Variants in ZNF385B observed in about 807,000 individuals in gnomAD.
ZNF385B encodes the protein zinc finger protein 533.
ZNF385B carries 23 observed loss-of-function variants against 39.2 expected under a neutral mutation model. The ratio of observed to expected loss-of-function variants is 0.59; its 90% CI spans 0.42 to 0.83. The LOEUF (loss-of-function observed/expected upper bound fraction) is 0.83, where lower values mean the gene tolerates loss of function less well. ZNF385B is among the 40% of genes least tolerant of loss of function. The pLI is 0.00. For missense variants in ZNF385B, 552 were observed against 598.9 expected (o/e 0.92, Z 0.82); for synonymous variants, 205 against 222.6 (o/e 0.92, Z 0.70).
chr2:179,830,031 A>T (rs2106595369), intron 1 of ZNF385B, among the ~76,000 whole-genome samples: 1 of 152,370 alleles, frequency 6.6e-6, no homozygotes, highest in African/African-American at 2.4e-5. Flanking sequence ...TCAACAAAAG[A>T]GCCCAACTGA....
intron 1 of ZNF385B, among the ~76,000 whole-genome samples, chr2:179,838,747 A>G (rs932919381): frequency 6.6e-6 from 1 of 152,208 alleles, no homozygotes; most frequent in Non-Finnish European, 1.5e-5. Flanking sequence ...AGTCTGTCAT[A>G]TTCAAGCACT....
chr2:179,736,656 A>G (rs1309426200), intron 3 of ZNF385B, among the ~76,000 whole-genome samples: 1 of 152,144 alleles, frequency 6.6e-6, no homozygotes, highest in African/African-American at 2.4e-5. Flanking sequence ...CTGTCTTCCA[A>G]TCAATAGAAA....
chr2:179,618,972 C>A (rs1181049280), intron 3 of ZNF385B, among the ~76,000 whole-genome samples: 2 of 151,844 alleles, frequency 1.3e-5, no homozygotes, highest in Non-Finnish European at 2.9e-5. Context: ...CAGTGTTCAG[C>A]GAATATAATG....
chr2:179,696,210 G>A (rs947706104), intron 3 of ZNF385B, among the ~76,000 whole-genome samples: 24 of 151,636 alleles, frequency 1.6e-4, no homozygotes, highest in East Asian at 1.2e-3. Flanking sequence ...GGTGATGATC[G>A]TATGTATCTG....
intron 3 of ZNF385B, among the ~76,000 whole-genome samples, chr2:179,694,368 A>G (rs369497870): frequency 2.2e-5 from 3 of 133,458 alleles, no homozygotes; most frequent in South Asian, 4.7e-4. Flanking sequence ...TTTTTTTTTG[A>G]CTGCGAATTT....
rs886347773 is a variant in ZNF385B at position 179,734,811 on chromosome 2, G to A, written c.298+34692C>T. On this transcript the variant is annotated intron_variant, in intron 3 of 9. Transcript: ENST00000410066. Reference sequence around the variant, plus strand: ...GTAAAAGTGGCTATGGACTAAAAAAGCCTGTTCCTTAGCCATATGTAGAAA... The same window carrying A: ...GTAAAAGTGGCTATGGACTAAAAAAACCTGTTCCTTAGCCATATGTAGAAA... Among the ~76,000 whole-genome samples, 6 of 152,210 alleles carry A rather than the reference G, an allele frequency of 3.9e-5. No individual in the cohort carries two copies. The South Asian group carries it at 1.2e-3, about 32-fold the overall frequency.
At chr2:179,745,672 C>T (rs1702337507) in intron 3 of ZNF385B, 1 of 1,512,258 alleles carries the variant, frequency 6.6e-7, no homozygotes, top group Non-Finnish European at 8.9e-7. Flanking sequence ...TTACTGACAT[C>T]CCAGACCCCA....
intron 1 of ZNF385B, among the ~76,000 whole-genome samples, chr2:179,807,378 A>T (rs371730647): frequency 6.6e-6 from 1 of 151,948 alleles, no homozygotes; most frequent in South Asian, 2.1e-4. Context: ...TGGGCAGATC[A>T]CCTGAGGTCA....
chr2:179,651,992 T>G (rs1348025585), intron 3 of ZNF385B, among the ~76,000 whole-genome samples: 1 of 152,146 alleles, frequency 6.6e-6, no homozygotes, highest in Non-Finnish European at 1.5e-5. Context: ...CCAAATTGTG[T>G]GCCAAAACTG....
chr2:179,854,913 A>C (rs1684463215), intron 1 of ZNF385B, among the ~76,000 whole-genome samples: 1 of 152,214 alleles, frequency 6.6e-6, no homozygotes, highest in South Asian at 2.1e-4. Flanking sequence ...CCTTGATCCT[A>C]AAGTAAATAC....
chr2:179,841,850 T>G (rs1465972240), intron 1 of ZNF385B, among the ~76,000 whole-genome samples: 1 of 152,104 alleles, frequency 6.6e-6, no homozygotes, highest in African/African-American at 2.4e-5. Context: ...TAGAACCAGA[T>G]GAGATTAAAA....
Position 179,704,485 on chromosome 2 carries a change from G to A in ZNF385B, c.298+65018C>T, listed in dbSNP as rs1699442682. Among the ~76,000 whole-genome samples, 7 of 152,150 alleles carry A rather than the reference G, an allele frequency of 4.6e-5. No individual in the cohort carries two copies. In the South Asian group the frequency reaches 1.5e-3, roughly 32 times the overall value. Reference sequence around the variant, plus strand: ...AGAAAAAAATAGACTTTTCATTTTGGAGAGTAACAAAAGGAAACACCTCTG... The same window carrying A: ...AGAAAAAAATAGACTTTTCATTTTGAAGAGTAACAAAAGGAAACACCTCTG... On this transcript the variant is annotated intron_variant, in intron 3 of 9. Coordinates refer to ENST00000410066, the MANE Select transcript of ZNF385B (RefSeq NM_152520.6).
chr2:179,790,048 C>T (rs1705234076), intron 1 of ZNF385B, among the ~76,000 whole-genome samples: 1 of 152,146 alleles, frequency 6.6e-6, no homozygotes. Context: ...TCCATGACAA[C>T]TGGCCCATGT....
At chr2:179,543,506 T>C (rs1402688371) in intron 4 of ZNF385B, among the ~76,000 whole-genome samples, 1 of 152,138 alleles carries the variant, frequency 6.6e-6, no homozygotes, top group Non-Finnish European at 1.5e-5. Flanking sequence ...CACACATGTT[T>C]GAATAGAGGA....
intron 1 of ZNF385B, among the ~76,000 whole-genome samples, chr2:179,845,754 G>A (rs1375687483): frequency 6.6e-6 from 1 of 152,166 alleles, no homozygotes; most frequent in East Asian, 1.9e-4. Context: ...CCTAAGGAAT[G>A]CAAGAACAAA....
At chr2:179,456,386 G>A (rs969902905) in intron 6 of ZNF385B, among the ~76,000 whole-genome samples, 1 of 152,048 alleles carries the variant, frequency 6.6e-6, no homozygotes, top group East Asian at 1.9e-4. Context: ...CTATCCAACA[G>A]ACATAATATG....
intron 3 of ZNF385B, among the ~76,000 whole-genome samples, chr2:179,576,839 T>A (rs1232592730): frequency 6.6e-6 from 1 of 152,152 alleles, no homozygotes; most frequent in African/African-American, 2.4e-5. Context: ...CTTATAAAAT[T>A]CAGGCAGTTC....
At chr2:179,670,755 A>G (rs1695877164) in intron 3 of ZNF385B, among the ~76,000 whole-genome samples, 2 of 152,226 alleles carry the variant, frequency 1.3e-5, no homozygotes, top group Admixed American at 1.3e-4. Flanking sequence ...TAGGGGGTAC[A>G]TACAGTCTAA....
chr2:179,656,174 A>G (rs918632546), intron 3 of ZNF385B, among the ~76,000 whole-genome samples: 3 of 152,152 alleles, frequency 2.0e-5, no homozygotes, highest in African/African-American at 7.2e-5. Context: ...TAAGTTTTAA[A>G]CCAGTAATTG....
Sources: allele counts gnomAD v4.1 joint callset (sites outside exome capture counted in the v4.1 genomes callset), GRCh38; gene constraint gnomAD v4.1.1; transcripts MANE v1.5; gene names NCBI Gene and HGNC (gene_info 2026-07-23, HGNC 2026-07-21).